The following NPAS3 variants were observed in gnomAD, a reference collection of about 807,000 sequenced individuals.
NPAS3 encodes the protein neuronal PAS domain protein 3, also known as neuronal PAS domain-containing protein 3.
A neutral mutation model predicts 73.1 loss-of-function variants in NPAS3; 14 were observed. That is an observed-to-expected ratio of 0.19 (90% CI 0.13 to 0.30). The LOEUF is 0.30. Among genes scored for constraint, NPAS3 ranks in the 10% least tolerant of loss-of-function variants. The probability of loss-of-function intolerance (pLI) is 1.00; values close to 1 mark genes in which losing one functional copy is unlikely to be tolerated. For synonymous variants in NPAS3, 620 were observed against 541.5 expected, an observed-to-expected ratio of 1.14 and a Z score of -2.01; for missense variants, 1,096 against 1,250.0, an observed-to-expected ratio of 0.88 and a Z score of 1.86.
intron 3 of NPAS3, among the ~76,000 whole-genome samples, chr14:33,297,028 T>C (rs989673726): frequency 3.3e-5 from 5 of 152,194 alleles, no homozygotes; most frequent in African/African-American, 1.2e-4. Context: ...CTCATCCTTT[T>C]TTTCTCTCTG....
intron 6 of NPAS3, among the ~76,000 whole-genome samples, chr14:33,702,282 C>G (rs1278269623): frequency 6.6e-6 from 1 of 152,154 alleles, no homozygotes; most frequent in Non-Finnish European, 1.5e-5. Flanking sequence ...GGAATTCAGC[C>G]AAAAATGCAA....
intron 6 of NPAS3, among the ~76,000 whole-genome samples, chr14:33,724,162 T>G (rs2061197028): frequency 6.6e-6 from 1 of 152,192 alleles, no homozygotes; most frequent in African/African-American, 2.4e-5. Context: ...AAAAATGGGA[T>G]GTATTTGCAA....
intron 1 of NPAS3, among the ~76,000 whole-genome samples, chr14:32,974,463 G>A (rs540896913): frequency 6.6e-6 from 1 of 152,302 alleles, no homozygotes; most frequent in East Asian, 1.9e-4. Flanking sequence ...TGTGATGAAG[G>A]AAAAGAAGGT....
intron 2 of NPAS3, among the ~76,000 whole-genome samples, chr14:33,095,662 A>AT (rs201234147): frequency 0.038 from 2,803 of 74,130 alleles, 166 homozygotes; most frequent in African/African-American, 0.11. Context: ...CTCTGCTTTT[A>AT]TTTTTTTATT....
At chr14:33,773,434 C>T (rs1160272069) in intron 7 of NPAS3, among the ~76,000 whole-genome samples, 2 of 152,182 alleles carry the variant, frequency 1.3e-5, no homozygotes, top group African/African-American at 2.4e-5. Context: ...CCCAGCCCTT[C>T]CTTCTGCAAC....
intron 1 of NPAS3, among the ~76,000 whole-genome samples, chr14:33,050,281 C>CCAT (rs2040657752): frequency 6.6e-6 from 1 of 152,168 alleles, no homozygotes; most frequent in Admixed American, 6.5e-5. Context: ...TTGTTTTAAG[C>CCAT]TGGAATCTAT....
chr14:33,046,742 G>T (rs1006967394), intron 1 of NPAS3, among the ~76,000 whole-genome samples: 1 of 152,162 alleles, frequency 6.6e-6, no homozygotes, highest in African/African-American at 2.4e-5. Flanking sequence ...TTGAGAGGCC[G>T]AGGCAGGTGG....
At chr14:33,478,131 G>A (rs1021093715) in intron 4 of NPAS3, among the ~76,000 whole-genome samples, 3 of 152,082 alleles carry the variant, frequency 2.0e-5, no homozygotes, top group East Asian at 3.9e-4. Flanking sequence ...GAGAGGAAAT[G>A]TTTATCACTC....
At chr14:33,061,116 G>A (rs996513356) in intron 2 of NPAS3, among the ~76,000 whole-genome samples, 3 of 152,162 alleles carry the variant, frequency 2.0e-5, no homozygotes, top group Non-Finnish European at 2.9e-5. Flanking sequence ...ACTTTCATGT[G>A]TTATCCCAAT....
intron 2 of NPAS3, among the ~76,000 whole-genome samples, chr14:33,186,138 CT>C (rs2045966567): frequency 1.3e-5 from 2 of 152,148 alleles, no homozygotes; most frequent in South Asian, 4.1e-4. Flanking sequence ...TCATTTTTAA[CT>C]TTGCTTTGCA....
intron 4 of NPAS3, among the ~76,000 whole-genome samples, chr14:33,530,435 G>C (rs569121498): frequency 6.6e-6 from 1 of 152,264 alleles, no homozygotes; most frequent in East Asian, 1.9e-4. Context: ...GTCAGGCCCT[G>C]TGTGATTTCA....
chr14:33,585,670 A>T (rs576356039), intron 5 of NPAS3, among the ~76,000 whole-genome samples: 2 of 152,324 alleles, frequency 1.3e-5, no homozygotes, highest in South Asian at 4.1e-4. Flanking sequence ...AAGCTATGCA[A>T]TGCCAACCTA....
At chr14:33,396,583 T>A (rs2047231906) in intron 4 of NPAS3, among the ~76,000 whole-genome samples, 1 of 152,124 alleles carries the variant, frequency 6.6e-6, no homozygotes, top group Admixed American at 6.6e-5. Context: ...TCCTGGCCAT[T>A]CTATTCCTGC....
At chr14:33,371,479 G>A (rs2046084469) in intron 4 of NPAS3, among the ~76,000 whole-genome samples, 1 of 152,086 alleles carries the variant, frequency 6.6e-6, no homozygotes, top group South Asian at 2.1e-4. Flanking sequence ...CCTAACTCTT[G>A]GCCAATTATA....
intron 2 of NPAS3, among the ~76,000 whole-genome samples, chr14:33,183,576 T>C (rs2045882454): frequency 6.6e-6 from 1 of 151,908 alleles, no homozygotes; most frequent in Non-Finnish European, 1.5e-5. Context: ...ATCACGCCTG[T>C]GTCTGCCTAG....
chr14:33,000,203 C>T (rs542860989), intron 1 of NPAS3, among the ~76,000 whole-genome samples: 2 of 151,996 alleles, frequency 1.3e-5, no homozygotes, highest in African/African-American at 4.8e-5. Flanking sequence ...AGTTGTTGCC[C>T]AGGTCACATA....
chr14:33,000,682 AACAG>A (rs2038774702), intron 1 of NPAS3, among the ~76,000 whole-genome samples: 1 of 152,254 alleles, frequency 6.6e-6, no homozygotes, highest in Admixed American at 6.5e-5. Flanking sequence ...GATACATGAT[AACAG>A]ATAAAATAAA....
chr14:33,620,423 C>A (rs1289175836), intron 5 of NPAS3, among the ~76,000 whole-genome samples: 4 of 152,138 alleles, frequency 2.6e-5, no homozygotes, highest in South Asian at 2.1e-4. Flanking sequence ...TGTTCTTATA[C>A]CCATAAAAAG....
chr14:33,291,351 T>A (rs1223233433), intron 3 of NPAS3, among the ~76,000 whole-genome samples: 1 of 152,184 alleles, frequency 6.6e-6, no homozygotes, highest in Non-Finnish European at 1.5e-5. Flanking sequence ...CTGGACTTCA[T>A]GTAGGAATAT....
Sources: allele counts gnomAD v4.1 joint callset (sites outside exome capture counted in the v4.1 genomes callset), GRCh38; gene constraint gnomAD v4.1.1; transcripts MANE v1.5; gene names NCBI Gene and HGNC (gene_info 2026-07-23, HGNC 2026-07-21).